Variants in OSBPL6 observed in about 807,000 individuals in gnomAD.
OSBPL6 encodes oxysterol-binding protein-related protein 6.
OSBPL6 carries 49 observed loss-of-function variants against 125.8 expected under a neutral mutation model. The ratio of observed to expected loss-of-function variants is 0.39; its 90% CI spans 0.31 to 0.49. The LOEUF is 0.49. Among genes scored for constraint, OSBPL6 ranks in the 20% least tolerant of loss-of-function variants. The pLI is 0.88. For synonymous variants in OSBPL6, 394 were observed against 391.8 expected, an observed-to-expected ratio of 1.01 and a Z score of -0.07; for missense variants, 986 against 1,135.4, an observed-to-expected ratio of 0.87 and a Z score of 1.89.
Position 178,237,973 on chromosome 2 carries a change from A to G in OSBPL6, c.-351+43299A>G, listed in dbSNP as rs566125311. ...TTCTGACAATACTCATTACTGGAAA[A>G]TGCTCTGAGAGGTCTGCAGTGACCT... On this transcript the variant is annotated intron_variant, in intron 1 of 24. Coordinates refer to ENST00000190611, the MANE Select transcript of OSBPL6 (RefSeq NM_032523.4). Among the ~76,000 whole-genome samples the G allele has an allele frequency of 9.8e-5, 15 of 152,290 alleles. No homozygotes were observed. The South Asian group carries it at 3.1e-3, about 32-fold the overall frequency.
At chr2:178,244,132 C>T (rs939489508) in intron 1 of OSBPL6, among the ~76,000 whole-genome samples, 26 of 152,150 alleles carry the variant, frequency 1.7e-4, no homozygotes, top group African/African-American at 5.6e-4. Flanking sequence ...GCTCAAACTC[C>T]GCTGGTCTGG....
chr2:178,392,021 G>A (rs1695449629), intron 22 of OSBPL6, among the ~76,000 whole-genome samples: 1 of 152,060 alleles, frequency 6.6e-6, no homozygotes, highest in African/African-American at 2.4e-5. Context: ...TATTAATTTA[G>A]GTCTGCATAT....
intron 1 of OSBPL6, among the ~76,000 whole-genome samples, chr2:178,272,931 C>G (rs1251426115): frequency 6.6e-6 from 1 of 152,160 alleles, no homozygotes; most frequent in African/African-American, 2.4e-5. Context: ...TAACTTTGAT[C>G]AAGATGGGCT....
chr2:178,275,689 A>G (rs760356740), intron 1 of OSBPL6, among the ~76,000 whole-genome samples: 2 of 152,022 alleles, frequency 1.3e-5, no homozygotes, highest in Non-Finnish European at 2.9e-5. Flanking sequence ...AAGGCCTCAA[A>G]GCGAGACAAG....
At chr2:178,333,262 G>A (rs1689388813) in intron 8 of OSBPL6, among the ~76,000 whole-genome samples, 1 of 152,160 alleles carries the variant, frequency 6.6e-6, no homozygotes, top group South Asian at 2.1e-4. Flanking sequence ...CTGCATAGCT[G>A]TAATCCCAGG....
At chr2:178,198,106 G>C (rs1222945773) in intron 1 of OSBPL6, among the ~76,000 whole-genome samples, 1 of 152,196 alleles carries the variant, frequency 6.6e-6, no homozygotes, top group Non-Finnish European at 1.5e-5. Context: ...TTAGGGAACA[G>C]ATAGGTGGGG....
At chr2:178,267,178 AC>A (rs1199045255) in intron 1 of OSBPL6, among the ~76,000 whole-genome samples, 1 of 151,876 alleles carries the variant, frequency 6.6e-6, no homozygotes, top group Non-Finnish European at 1.5e-5. Flanking sequence ...ACATGGGGAA[AC>A]CCTGTCTCTA....
chr2:178,194,956 C>G (rs530769253), intron 1 of OSBPL6, among the ~76,000 whole-genome samples: 4 of 152,278 alleles, frequency 2.6e-5, no homozygotes, highest in Non-Finnish European at 2.9e-5. Flanking sequence ...CTCCCTCCCC[C>G]TCGTTGCCAG....
intron 15 of OSBPL6, among the ~76,000 whole-genome samples, chr2:178,377,874 G>C (rs1382497734): frequency 6.6e-6 from 1 of 152,144 alleles, no homozygotes; most frequent in African/African-American, 2.4e-5. Flanking sequence ...TGTCACCCAG[G>C]CTGGAGTGCA....
chr2:178,397,511 T>C lies in OSBPL6; in HGVS notation c.*1952T>C, dbSNP rs1695921370. 1 of 152,240 alleles carries C rather than the reference T, an allele frequency of 6.6e-6. No homozygotes were observed. Among genetic ancestry groups the C allele is most frequent in the South Asian group, 2.1e-4 (1 of 4,832 alleles). The allele number at this position is 152,240 out of a possible 1,614,324, so 9.4% of individuals were successfully genotyped here. A position where few individuals can be genotyped will look rare whatever the true frequency, so the allele number is the denominator to read the frequency against. On this transcript the variant is annotated 3_prime_UTR_variant, in exon 25 of 25. Coordinates refer to ENST00000190611, the MANE Select transcript of OSBPL6 (RefSeq NM_032523.4). The stretch of plus-strand genomic sequence containing the variant: ...GTCGTTAATTTTAATAAGAATCCTA[T>C]TGACTTCCTCACGGGAGTCTGTTCT...
intron 2 of OSBPL6, among the ~76,000 whole-genome samples, chr2:178,288,321 C>G (rs1183563108): frequency 6.6e-6 from 1 of 152,096 alleles, no homozygotes; most frequent in Non-Finnish European, 1.5e-5. Context: ...GAGTGAGACC[C>G]CAAAACTTCG....
intron 1 of OSBPL6, among the ~76,000 whole-genome samples, chr2:178,212,461 C>T (rs2089905901): frequency 6.6e-6 from 1 of 152,172 alleles, no homozygotes; most frequent in Admixed American, 6.5e-5. Context: ...AAGATTAAAG[C>T]AGTGTGTTCT....
At chr2:178,274,672 A>AT (rs1411876514) in intron 1 of OSBPL6, among the ~76,000 whole-genome samples, 1 of 152,192 alleles carries the variant, frequency 6.6e-6, no homozygotes, top group African/African-American at 2.4e-5. Flanking sequence ...AAGTAAACAC[A>AT]ATGTATGTCT....
intron 1 of OSBPL6, among the ~76,000 whole-genome samples, chr2:178,233,612 G>A (rs2090927412): frequency 6.6e-6 from 1 of 152,162 alleles, no homozygotes; most frequent in Non-Finnish European, 1.5e-5. Flanking sequence ...TCATCCTGGG[G>A]ATCCCTCAGC....
chr2:178,336,358 G>A lies in OSBPL6; in HGVS notation c.715G>A (p.Ala239Thr), dbSNP rs1559261112. The change falls in exon 9 of 25, where the codon GCA (alanine) becomes ACA (threonine). Residue 239 changes from alanine to threonine, a missense_variant. Physicochemically the swap from Ala to Thr is moderately conservative, Grantham distance 58 (BLOSUM62 0). Around this residue, in one of 3 missense-constraint regions of OSBPL6, gnomAD observed 843 missense variants for 997.3 expected, o/e 0.85. Transcript: ENST00000190611. ...TTTACCATGCAGCAATAGCCTCCCT[G>A]CAACGTGCACAACTGGCCAGAGTAA... ...SPLPCSNSLP[A>T]TCTTGQSKVA... 5 of 1,614,080 alleles carry A rather than the reference G, an allele frequency of 3.1e-6. No homozygotes were observed. Among genetic ancestry groups the A allele is most frequent in the Non-Finnish European group, 4.2e-6 (5 of 1,180,012 alleles).
intron 1 of OSBPL6, among the ~76,000 whole-genome samples, chr2:178,232,930 C>T (rs2090896663): frequency 6.6e-6 from 1 of 152,184 alleles, no homozygotes; most frequent in Non-Finnish European, 1.5e-5. Flanking sequence ...TTCAGAATAA[C>T]TCAGAACACC....
At chr2:178,352,940 T>C (rs1293164083) in intron 12 of OSBPL6, among the ~76,000 whole-genome samples, 4 of 152,180 alleles carry the variant, frequency 2.6e-5, no homozygotes, top group African/African-American at 7.2e-5. Context: ...CCACTGTTGA[T>C]ACCCAGTCAA....
intron 1 of OSBPL6, among the ~76,000 whole-genome samples, chr2:178,251,302 G>A (rs904094088): frequency 1.3e-5 from 2 of 151,726 alleles, no homozygotes; most frequent in Admixed American, 1.3e-4. Flanking sequence ...TTTTCATTCG[G>A]TAAGCCGTCT....
chr2:178,320,474 T>G, intron 3 of OSBPL6: 1 of 1,486,510 alleles, frequency 6.7e-7, no homozygotes, highest in Non-Finnish European at 9.2e-7. Flanking sequence ...CTTATAATTT[T>G]AGCATTTGAG....
Sources: allele counts gnomAD v4.1 joint callset (sites outside exome capture counted in the v4.1 genomes callset), GRCh38; gene constraint gnomAD v4.1.1; regional missense constraint gnomAD v4.1.1; transcripts MANE v1.5; gene names NCBI Gene and HGNC (gene_info 2026-07-23, HGNC 2026-07-21).